The following PALM variants were observed in gnomAD, a reference collection of about 807,000 sequenced individuals.
PALM encodes the protein paralemmin-1.
In PALM, 18 loss-of-function variants were observed where a neutral mutation model predicts 30.7. That is an observed-to-expected ratio of 0.59 (90% CI 0.41 to 0.87). PALM has a LOEUF of 0.87. Ranked by LOEUF, PALM falls within the 40% of genes least tolerant of loss-of-function variation. The pLI is 0.00. For missense variants in PALM, 529 were observed against 555.4 expected (o/e 0.95, Z 0.48); for synonymous variants, 286 against 242.8 (o/e 1.18, Z -1.66).
Position 746,824 on chromosome 19 carries a change from CGAGA to C in PALM, c.*11_*14del. 1 of 1,492,392 alleles carries C rather than the reference CGAGA, an allele frequency of 6.7e-7. No individual in the cohort carries two copies. The highest frequency in any genetic ancestry group is 8.9e-7 in the Non-Finnish European group (1 of 1,119,962). The allele number at this position is 1,492,392 out of a possible 1,614,324, so 92.4% of individuals were successfully genotyped here. A position where few individuals can be genotyped will look rare whatever the true frequency, so the allele number is the denominator to read the frequency against. On this transcript the variant is annotated 3_prime_UTR_variant, in exon 9 of 9. Transcript: ENST00000338448. This position sits in a 1 kb window ranked among gnomAD's most constrained non-coding sequence, Gnocchi z 7.1. ...CTGCTCCATCATGTGAGCCGGCCCC[CGAGA>C]CCCCGGCCCCCACCCCACACCACAG... is the stretch of plus-strand genomic sequence containing the variant.
intron 4 of PALM, among the ~76,000 whole-genome samples, chr19:729,814 C>G (rs2032813835): frequency 6.6e-6 from 1 of 152,160 alleles, no homozygotes; most frequent in African/African-American, 2.4e-5. Flanking sequence ...TGTCCCTGGG[C>G]TGGACGGGAT....
chr19:736,141 CG>C (rs2033017837), intron 7 of PALM, 63 bp downstream of exon 7: 12 of 528,648 alleles, frequency 2.3e-5, no homozygotes, highest in African/African-American at 4.0e-5. Flanking sequence ...AGTCTCGGTC[CG>C]GGGGGCCGGG....
intron 5 of PALM, among the ~76,000 whole-genome samples, chr19:733,432 C>T (rs2032930180): frequency 6.6e-6 from 1 of 152,098 alleles, no homozygotes; most frequent in Admixed American, 6.6e-5. Flanking sequence ...GGAGTGTGTC[C>T]CAGAAACAGC....
chr19:738,295 G>C (rs189367680), intron 7 of PALM, among the ~76,000 whole-genome samples: 2 of 152,152 alleles, frequency 1.3e-5, no homozygotes, highest in African/African-American at 2.4e-5. Flanking sequence ...GGGAGGCCGA[G>C]GGGGGCAGAT....
intron 5 of PALM, among the ~76,000 whole-genome samples, chr19:733,385 G>A (rs922154082): frequency 1.3e-5 from 2 of 152,234 alleles, no homozygotes; most frequent in African/African-American, 4.8e-5. Flanking sequence ...AGGGAAGAGT[G>A]CACTGAGGGA....
rs192311967 is a variant in PALM at position 747,581 on chromosome 19, C to T, written c.*767C>T. 6.5e-6 allele frequency: 1 copy of T among 153,028 alleles called. No homozygotes were observed. Among genetic ancestry groups the T allele is most frequent in the Non-Finnish European group, 1.5e-5 (1 of 68,300 alleles). 9.5% of individuals were successfully genotyped at this position (153,028 alleles called of 1,614,324 possible). ...AGGGACCGAGTGAGCCACTCCTTGT[C>T]CCGAGCTCCCGCCCCCACTGGGCCC... On this transcript the variant is annotated 3_prime_UTR_variant, in exon 9 of 9. Coordinates refer to ENST00000338448, the MANE Select transcript of PALM (RefSeq NM_002579.3).
Position 726,996 on chromosome 19 carries a change from C to A in PALM, c.58-12C>A. ...CACGCCCATCCCTGACCCCACCCGG[C>A]CCTCCCCACAGGAGAAGCGGAAGCG... On this transcript the variant is annotated splice_polypyrimidine_tract_variant and intron_variant, in intron 2 of 8. Transcript: ENST00000338448. The A allele has an allele frequency of 1.5e-6, 2 of 1,335,644 alleles. No individual in the cohort carries two copies. The highest frequency in any genetic ancestry group is 2.1e-6 in the Non-Finnish European group (2 of 961,958). The allele number at this position is 1,335,644 out of a possible 1,614,324, so 82.7% of individuals were successfully genotyped here.
At chr19:725,469 G>A (rs1261862792) in intron 1 of PALM, among the ~76,000 whole-genome samples, 2 of 152,142 alleles carry the variant, frequency 1.3e-5, no homozygotes, top group Non-Finnish European at 1.5e-5. Context: ...GCTGAGGCAG[G>A]AGAATCGCTT....
At chr19:719,209 C>A (rs1043338718) in intron 1 of PALM, 12 of 985,582 alleles carry the variant, frequency 1.2e-5, no homozygotes, top group Non-Finnish European at 1.4e-5. Context: ...ACACACGCCC[C>A]TCCCGCCTCG....
At chr19:744,981 AC>A (rs1376853387) in intron 8 of PALM, among the ~76,000 whole-genome samples, 1 of 150,862 alleles carries the variant, frequency 6.6e-6, no homozygotes, top group East Asian at 1.9e-4. Flanking sequence ...GGAGTTCAAG[AC>A]CAGACTGGCC....
At chr19:745,690 A>C (rs1306119081) in intron 8 of PALM, among the ~76,000 whole-genome samples, 6 of 147,912 alleles carry the variant, frequency 4.1e-5, no homozygotes, top group Non-Finnish European at 7.5e-5. Context: ...ATCTCAGAAA[A>C]AAAAAAAAAA....
rs1350493790 is a variant in PALM at position 731,183 on chromosome 19, G to T, written c.358G>T (p.Ala120Ser). 1 of 1,610,692 alleles carries T rather than the reference G, an allele frequency of 6.2e-7. No homozygotes were observed. Among genetic ancestry groups the T allele is most frequent in the African/African-American group, 1.3e-5 (1 of 75,018 alleles). The change falls in exon 5 of 9, where the codon GCC becomes TCC. Residue 120 changes from alanine to serine, a missense_variant. By Grantham distance (99) the Ala-to-Ser change is moderately conservative. Transcript: ENST00000338448. The part of the protein sequence containing the change: ...ENAAAPSPVR[A>S]PAPSPAKEER... Reference sequence around the variant, plus strand: ...CGCGGCGGCCCCGAGCCCAGTCCGGGCCCCAGCCCCGAGTCCAGCCAAGGA... The same window carrying T: ...CGCGGCGGCCCCGAGCCCAGTCCGGTCCCCAGCCCCGAGTCCAGCCAAGGA...
In PALM at chr19:735,997, T is replaced by A; in HGVS notation, c.443-22T>A. ...CTCTCCTCTGACCCTCATCTCTCTC[T>A]CCGCTTCCACCTCCCGTGCAGACAA... On this transcript the variant is annotated intron_variant, in intron 6 of 8. Coordinates refer to ENST00000338448, the MANE Select transcript of PALM (RefSeq NM_002579.3). The A allele has an allele frequency of 1.9e-6, 3 of 1,602,150 alleles. No homozygotes were observed. The South Asian group carries it at 3.3e-5, about 18-fold the overall frequency.
At chr19:718,007 C>A (rs1034804722) in intron 1 of PALM, among the ~76,000 whole-genome samples, 1 of 152,056 alleles carries the variant, frequency 6.6e-6, no homozygotes, top group African/African-American at 2.4e-5. Context: ...CATGGTGAAA[C>A]CCCGTCTCTA....
chr19:729,049 C>T (rs4919824), intron 4 of PALM, among the ~76,000 whole-genome samples: 80,080 of 151,340 alleles, frequency 0.53, 21,370 homozygotes, highest in African/African-American at 0.61. Context: ...ACATGCTGGG[C>T]GTGGGTGGGG....
chr19:736,697 T>C (rs2033034637), intron 7 of PALM, among the ~76,000 whole-genome samples: 1 of 152,010 alleles, frequency 6.6e-6, no homozygotes, highest in South Asian at 2.1e-4. Context: ...AGCCCAATAA[T>C]GAGAAATCGT....
intron 1 of PALM, among the ~76,000 whole-genome samples, chr19:721,287 A>G (rs1486576254): frequency 6.6e-6 from 1 of 151,968 alleles, no homozygotes; most frequent in East Asian, 1.9e-4. Flanking sequence ...TTATTTTGAG[A>G]TAGGGTTTCA....
At chr19:731,338 G>T in intron 5 of PALM, 93 bp downstream of exon 5, 3 of 1,175,616 alleles carry the variant, frequency 2.6e-6, no homozygotes, top group Non-Finnish European at 3.6e-6. Flanking sequence ...GCGTAGCTGA[G>T]GGGACAGGCA....
chr19:713,892 T>C (rs879500436), intron 1 of PALM, among the ~76,000 whole-genome samples: 9 of 144,426 alleles, frequency 6.2e-5, no homozygotes, highest in East Asian at 4.1e-4. Flanking sequence ...TATGTTCTTT[T>C]TTTCTTTCTT....
Sources: gnomAD v4.1 joint callset for allele counts (sites outside exome capture counted in the v4.1 genomes callset) on GRCh38, gnomAD v4.1.1 for gene constraint, Gnocchi (gnomAD v3.1) non-coding constraint, MANE v1.5 for transcripts, NCBI Gene and HGNC (gene_info 2026-07-23, HGNC 2026-07-21) for gene names.